Variants in SYNJ1 observed in about 807,000 individuals in gnomAD.
The protein encoded by SYNJ1 is polyphosphatidylinositol phosphatase SYNJ1.
A neutral mutation model predicts 168.2 loss-of-function variants in SYNJ1; 78 were observed. The ratio of observed to expected loss-of-function variants is 0.46; its 90% CI spans 0.39 to 0.56. The LOEUF (loss-of-function observed/expected upper bound fraction) is 0.56. Ranked by LOEUF, SYNJ1 falls within the 20% of genes least tolerant of loss-of-function variation. SYNJ1 has a pLI of 0.00. For missense variants in SYNJ1, 1,303 were observed against 1,597.6 expected (o/e 0.82, Z 3.14); for synonymous variants, 539 against 548.6 (o/e 0.98, Z 0.24).
At chr21:32,649,765 G>C (rs945723115) in intron 23 of SYNJ1, among the ~76,000 whole-genome samples, 3 of 152,142 alleles carry the variant, frequency 2.0e-5, no homozygotes, top group African/African-American at 7.2e-5. Flanking sequence ...GTTTTGTTTT[G>C]TTTTGAGACA....
chr21:32,717,899 T>C (rs1003701581), intron 2 of SYNJ1, among the ~76,000 whole-genome samples: 2 of 152,210 alleles, frequency 1.3e-5, no homozygotes, highest in Non-Finnish European at 2.9e-5. Flanking sequence ...CTTGAGTGAC[T>C]CTTCTGCTGC....
At chr21:32,700,202 A>T (rs2146214644) in intron 3 of SYNJ1, 97 bp from the exon 4 acceptor site, 1 of 1,386,818 alleles carries the variant, frequency 7.2e-7, no homozygotes, top group African/African-American at 1.4e-5. Flanking sequence ...TGACATTGTG[A>T]TTATTTTAAA....
At chr21:32,710,528 CTTTT>C (rs879712644) in intron 2 of SYNJ1, among the ~76,000 whole-genome samples, 2 of 147,588 alleles carry the variant, frequency 1.4e-5, no homozygotes, top group Non-Finnish European at 3.0e-5. Context: ...GACATTTGAA[CTTTT>C]TTTTTTTTCC....
intron 9 of SYNJ1, 111 bp downstream of exon 9, chr21:32,685,637 G>A: frequency 1.5e-6 from 1 of 654,894 alleles, no homozygotes; most frequent in South Asian, 7.4e-5. Flanking sequence ...ATATTTAAAA[G>A]ATATTTAATT....
chr21:32,643,539 A>G, intron 26 of SYNJ1, 82 bp from the exon 27 acceptor site: 1 of 1,416,330 alleles, frequency 7.1e-7, no homozygotes, highest in Non-Finnish European at 9.9e-7. Context: ...GACAATTTCC[A>G]TAGTAAACTC....
chr21:32,700,315 C>T lies in SYNJ1; in HGVS notation c.212-210G>A, dbSNP rs147026419. ...AGCATTTAAACATTAACAGGATAAT[C>T]TCACACGAAATTGTTCCTGAACTTA... On this transcript the variant is annotated intron_variant, in intron 3 of 32. Coordinates refer to ENST00000674351, the MANE Select transcript of SYNJ1 (RefSeq NM_203446.3). 0.019 allele frequency among the ~76,000 whole-genome samples: 2,890 copies of T among 152,262 alleles called. 38 individuals carry two copies. Among genetic ancestry groups the T allele is most frequent in the Non-Finnish European group, 0.029 (1,953 of 68,022 alleles).
chr21:32,654,822 C>T (rs2040400075), intron 21 of SYNJ1, among the ~76,000 whole-genome samples: 1 of 152,180 alleles, frequency 6.6e-6, no homozygotes, highest in Non-Finnish European at 1.5e-5. Flanking sequence ...ATACACATTT[C>T]CAGGGAACCT....
chr21:32,661,501 C>G (rs924760908), intron 18 of SYNJ1, among the ~76,000 whole-genome samples: 1 of 152,184 alleles, frequency 6.6e-6, no homozygotes, highest in African/African-American at 2.4e-5. Flanking sequence ...TCTCCGAGAT[C>G]TTATTCCTAG....
At chr21:32,659,850 G>A (rs1005139505) in intron 18 of SYNJ1, among the ~76,000 whole-genome samples, 3 of 152,218 alleles carry the variant, frequency 2.0e-5, no homozygotes, top group African/African-American at 7.2e-5. Context: ...CGACCGGGAA[G>A]TGAGGTGATT....
chr21:32,713,205 T>C (rs2042892844), intron 2 of SYNJ1, among the ~76,000 whole-genome samples: 1 of 149,486 alleles, frequency 6.7e-6, no homozygotes, highest in Non-Finnish European at 1.5e-5. Flanking sequence ...ATTTCCCATA[T>C]GTCAACATGG....
intron 22 of SYNJ1, among the ~76,000 whole-genome samples, chr21:32,653,078 C>T (rs747695150): frequency 6.6e-6 from 1 of 152,158 alleles, no homozygotes; most frequent in Admixed American, 6.5e-5. Flanking sequence ...TAGTCTATAT[C>T]AACAGTTAAT....
At chr21:32,683,969 A>G (rs111884129) in intron 10 of SYNJ1, 69 bp downstream of exon 10, 41,262 of 1,302,770 alleles carry the variant, frequency 0.032, 762 homozygotes, top group Middle Eastern at 0.037. Context: ...AATAAGAAAC[A>G]TAAGTATTCA....
In SYNJ1 at chr21:32,673,489, T is replaced by C. The variant is rs746996252; in HGVS notation, c.1577A>G (p.Lys526Arg). ...TCGAATTTTCTTAGGCTTTGAATAT[T>C]TGTAGAAATTCTCACACATGCTCTT... Reference protein sequence around the residue: ...VLKSMCENFYKYSKPKKIRVC... With the variant: ...VLKSMCENFYRYSKPKKIRVC... The change falls in exon 14 of 33, where the codon AAA becomes AGA. Residue 526 changes from lysine (K) to arginine (R), a missense_variant. Coordinates refer to ENST00000674351, the MANE Select transcript of SYNJ1 (RefSeq NM_203446.3). The C allele has an allele frequency of 2.5e-6, 4 of 1,613,276 alleles. No homozygotes were observed. The highest frequency in any genetic ancestry group is 3.3e-4 in the Middle Eastern group (2 of 6,054).
chr21:32,694,366 AC>A, intron 5 of SYNJ1, 55 bp from the exon 6 acceptor site: 1 of 1,354,454 alleles, frequency 7.4e-7, no homozygotes, highest in East Asian at 2.6e-5. Context: ...TGTTACACTT[AC>A]ATTAGAAAAA....
intron 4 of SYNJ1, among the ~76,000 whole-genome samples, chr21:32,697,753 A>G (rs1408248531): frequency 2.6e-5 from 4 of 152,236 alleles, no homozygotes; most frequent in African/African-American, 7.2e-5. Context: ...GTGAGCCAAG[A>G]TCGCGCCACT....
intron 17 of SYNJ1, 100 bp from the exon 18 acceptor site, chr21:32,665,171 TCCTGTTTC>T: frequency 8.0e-7 from 1 of 1,247,240 alleles, no homozygotes; most frequent in Admixed American, 2.7e-5. Flanking sequence ...TCCTCCCATG[TCCTGTTTC>T]TTTGACCCAA....
At chr21:32,649,523 A>G (rs796769932) in intron 23 of SYNJ1, among the ~76,000 whole-genome samples, 4 of 152,346 alleles carry the variant, frequency 2.6e-5, no homozygotes, top group African/African-American at 7.2e-5. Flanking sequence ...TTTTCGGCGT[A>G]ATTACTTAAA....
chr21:32,642,105 T>C lies in SYNJ1; in HGVS notation c.3507A>G (p.Lys1169=), dbSNP rs1374785792. The change falls in exon 28 of 33, where the codon AAA becomes AAG. Residue 1169 remains lysine (K), a synonymous_variant. Transcript: ENST00000674351. ...TTCAAGTGTTTTTACCTATATTATCTTTCCTTGTTGTTCCAGGGCTTTTGG... is the reference window on the plus strand; with the variant it reads ...TTCAAGTGTTTTTACCTATATTATCCTTCCTTGTTGTTCCAGGGCTTTTGG... ...EAPKSPGTTR[K]DNIGRSQPSP... The C allele has an allele frequency of 6.2e-7, 1 of 1,614,186 alleles. No homozygotes were observed. The highest frequency in any genetic ancestry group is 2.2e-5 in the East Asian group (1 of 44,880).
At chr21:32,649,534 T>C (rs988121426) in intron 23 of SYNJ1, among the ~76,000 whole-genome samples, 1 of 152,208 alleles carries the variant, frequency 6.6e-6, no homozygotes, top group African/African-American at 2.4e-5. Flanking sequence ...ATTACTTAAA[T>C]TCATTTCTGT....
Sources: allele counts gnomAD v4.1 joint callset (sites outside exome capture counted in the v4.1 genomes callset), GRCh38; gene constraint gnomAD v4.1.1; transcripts MANE v1.5; gene names NCBI Gene and HGNC (gene_info 2026-07-23, HGNC 2026-07-21).